The following ERG variants were observed in gnomAD, a reference collection of about 807,000 sequenced individuals.
The protein encoded by ERG is transcriptional regulator ERG.
ERG carries 9 observed loss-of-function variants against 55.3 expected under a neutral mutation model. That is an observed-to-expected ratio of 0.16 (90% CI 0.10 to 0.28). The LOEUF (loss-of-function observed/expected upper bound fraction) is 0.28. Among genes scored for constraint, ERG ranks in the 10% least tolerant of loss-of-function variants. The pLI is 1.00. For missense variants in ERG, 434 were observed against 631.6 expected, an observed-to-expected ratio of 0.69 and a Z score of 3.35; for synonymous variants, 223 against 237.3, an observed-to-expected ratio of 0.94 and a Z score of 0.55.
chr21:38,530,006 G>A (rs1287082741), intron 2 of ERG, among the ~76,000 whole-genome samples: 1 of 152,138 alleles, frequency 6.6e-6, no homozygotes, highest in Non-Finnish European at 1.5e-5. Context: ...AAGAACAATT[G>A]AGGAAACTGG....
At chr21:38,532,145 T>A (rs1224396282) in intron 2 of ERG, among the ~76,000 whole-genome samples, 1 of 152,086 alleles carries the variant, frequency 6.6e-6, no homozygotes, top group Non-Finnish European at 1.5e-5. Flanking sequence ...CGATCCAAGG[T>A]AACAAAGGGT....
At chr21:38,617,069 C>T (rs150585011) in intron 1 of ERG, among the ~76,000 whole-genome samples, 88 of 152,296 alleles carry the variant, frequency 5.8e-4, no homozygotes, top group Non-Finnish European at 1.0e-3. Context: ...TCATATGCTG[C>T]CTCTCCAAAC....
At chr21:38,376,717 G>C (rs1039616233), downstream of ERG, among the ~76,000 whole-genome samples, 1 of 152,258 alleles carries the variant, frequency 6.6e-6, no homozygotes, top group Non-Finnish European at 1.5e-5. Context: ...TGAGGCCGCT[G>C]TATGGTGGGT....
intron 2 of ERG, among the ~76,000 whole-genome samples, chr21:38,425,349 C>A (rs866915723): frequency 6.6e-6 from 1 of 151,680 alleles, no homozygotes. Flanking sequence ...GGCGCCATTG[C>A]ACTCCAGCCT....
downstream of ERG, among the ~76,000 whole-genome samples, chr21:38,378,470 G>A (rs566843600): frequency 9.2e-5 from 14 of 152,176 alleles, no homozygotes; most frequent in Non-Finnish European, 1.8e-4. Flanking sequence ...TTACCTTTCT[G>A]GATGTTCATT....
chr21:38,393,999 A>T (rs576741068), intron 6 of ERG, among the ~76,000 whole-genome samples: 1 of 152,164 alleles, frequency 6.6e-6, no homozygotes, highest in Admixed American at 6.5e-5. Flanking sequence ...CTGAACTTCA[A>T]CTTAAGTCTC....
chr21:38,656,713 G>A (rs1474246652), intron 1 of ERG, among the ~76,000 whole-genome samples: 1 of 152,104 alleles, frequency 6.6e-6, no homozygotes, highest in African/African-American at 2.4e-5. Flanking sequence ...ATAAGGCTTC[G>A]CTCCTTTGCT....
At chr21:38,490,647 C>T (rs1230279204) in intron 1 of ERG, among the ~76,000 whole-genome samples, 1 of 152,234 alleles carries the variant, frequency 6.6e-6, no homozygotes, top group Non-Finnish European at 1.5e-5. Context: ...GTCCTGGCAG[C>T]AGCACAGTCA....
At chr21:38,544,881 G>C (rs749728049) in intron 2 of ERG, among the ~76,000 whole-genome samples, 1 of 151,924 alleles carries the variant, frequency 6.6e-6, no homozygotes, top group Non-Finnish European at 1.5e-5. Flanking sequence ...TCAACTCAGG[G>C]CTCTTCTCCC....
intron 2 of ERG, among the ~76,000 whole-genome samples, chr21:38,517,102 G>C (rs1008978366): frequency 6.6e-6 from 1 of 151,920 alleles, no homozygotes; most frequent in African/African-American, 2.4e-5. Context: ...AGAGAAAACA[G>C]ACAAATGAGA....
chr21:38,535,581 C>G (rs551949002), intron 2 of ERG, among the ~76,000 whole-genome samples: 5 of 152,222 alleles, frequency 3.3e-5, no homozygotes, highest in African/African-American at 1.2e-4. Context: ...TCATGTATAA[C>G]CCACAATGTG....
intron 9 of ERG, among the ~76,000 whole-genome samples, chr21:38,384,563 A>C (rs1453187562): frequency 6.6e-6 from 1 of 151,912 alleles, no homozygotes. Context: ...AGGGGATGAA[A>C]GAGCTATATA....
chr21:38,541,718 A>C lies in ERG; in HGVS notation c.-41+33944T>G, dbSNP rs1304451202. Among the ~76,000 whole-genome samples, 4 of 152,234 alleles carry C rather than the reference A, an allele frequency of 2.6e-5. No homozygotes were observed. In the East Asian group the frequency reaches 7.7e-4, roughly 29 times the overall value. ...TAAATAATTTGTAGTGAATTTAACG[A>C]AACTTCAGCAATTCAAATGAATGCA... On this transcript the variant is annotated intron_variant, in intron 2 of 8. Coordinates refer to the ERG transcript ENST00000398897.
chr21:38,424,221 T>A (rs1358999997), intron 2 of ERG, among the ~76,000 whole-genome samples: 1 of 151,322 alleles, frequency 6.6e-6, no homozygotes, highest in East Asian at 1.9e-4. Flanking sequence ...TCTCTCTCTC[T>A]CTCTGCCATG....
Position 38,582,097 on chromosome 21 carries a change from C to G in ERG, c.-127+2747G>C, listed in dbSNP as rs2060033263. Among the ~76,000 whole-genome samples the G allele has an allele frequency of 2.0e-5, 3 of 151,110 alleles. No homozygotes were observed. The South Asian group carries it at 6.3e-4, about 32-fold the overall frequency. ...GAGGCTCCTGTACTTGGAATCCTTC[C>G]AGACCTTGCCCTGTGCACCTCTTCA... is the stretch of plus-strand genomic sequence containing the variant. On this transcript the variant is annotated intron_variant, in intron 1 of 8. Transcript: ENST00000398897.
intron 2 of ERG, among the ~76,000 whole-genome samples, chr21:38,436,217 GCCAGGCTGGTCTCGAA>G (rs771164104): frequency 5.3e-5 from 8 of 151,660 alleles, no homozygotes; most frequent in Non-Finnish European, 1.0e-4. Context: ...CACCATGTTG[GCCAGGCTGGTCTCGAA>G]CTCCTGACCC....
intron 3 of ERG, among the ~76,000 whole-genome samples, chr21:38,412,407 A>G (rs950268879): frequency 1.3e-5 from 2 of 152,178 alleles, no homozygotes; most frequent in Non-Finnish European, 2.9e-5. Context: ...TAATTTAGAA[A>G]GCTTATACTT....
intron 3 of ERG, among the ~76,000 whole-genome samples, chr21:38,406,731 G>A (rs1161196276): frequency 6.6e-6 from 1 of 151,894 alleles, no homozygotes; most frequent in African/African-American, 2.4e-5. Context: ...TCTCTAAATG[G>A]TGGAACCGGA....
Position 38,381,377 on chromosome 21 carries a change from C to T in ERG, c.*2026G>A. On this transcript the variant is annotated 3_prime_UTR_variant, in exon 10 of 10. Transcript: ENST00000288319. ...ATTTGTGATTCAAAGAAAAGATGCCCAGGGAAACTGACTCTAGATTATGGA... is the reference window on the plus strand; with the variant it reads ...ATTTGTGATTCAAAGAAAAGATGCCTAGGGAAACTGACTCTAGATTATGGA... 9.4e-7 allele frequency: 1 copy of T among 1,063,344 alleles called. No individual in the cohort carries two copies. The highest frequency in any genetic ancestry group is 1.1e-6 in the Non-Finnish European group (1 of 878,104). 65.9% of individuals were successfully genotyped at this position (1,063,344 alleles called of 1,614,324 possible).
Sources: gnomAD v4.1 joint callset for allele counts (sites outside exome capture counted in the v4.1 genomes callset) on GRCh38, gnomAD v4.1.1 for gene constraint, MANE v1.5 for transcripts, NCBI Gene and HGNC (gene_info 2026-07-23, HGNC 2026-07-21) for gene names.